Variants in IGFBP6 observed in about 807,000 individuals in gnomAD.
IGFBP6 encodes the protein insulin like growth factor binding protein 6.
IGFBP6 carries 24 observed loss-of-function variants against 24.5 expected under a neutral mutation model. The ratio of observed to expected loss-of-function variants is 0.98; its 90% confidence interval spans 0.71 to 1.38. The LOEUF (loss-of-function observed/expected upper bound fraction) is 1.38. Among genes scored for constraint, IGFBP6 ranks in the 40% most tolerant of loss-of-function variants. The pLI is 0.00. For missense variants in IGFBP6, 331 were observed against 324.8 expected (o/e 1.02, Z -0.15); for synonymous variants, 147 against 137.4 (o/e 1.07, Z -0.49).
At chr12:53,098,517 C>A (rs1937779249) in intron 1 of IGFBP6, among the ~76,000 whole-genome samples, 1 of 152,148 alleles carries the variant, frequency 6.6e-6, no homozygotes, top group Admixed American at 6.5e-5. Flanking sequence ...GAAATGACTC[C>A]TTTCCTCCTA....
chr12:53,098,593 G>A (rs981394013), intron 1 of IGFBP6, among the ~76,000 whole-genome samples: 2 of 152,208 alleles, frequency 1.3e-5, no homozygotes, highest in African/African-American at 4.8e-5. Context: ...ATCCAGGGTT[G>A]TATTAGACTT....
chr12:53,100,340 T>C (rs1246697489), intron 1 of IGFBP6, among the ~76,000 whole-genome samples: 2 of 152,100 alleles, frequency 1.3e-5, no homozygotes, highest in Admixed American at 1.3e-4. Context: ...TATAAATTAT[T>C]TGTAGAGATG....
intron 1 of IGFBP6, among the ~76,000 whole-genome samples, chr12:53,100,377 G>T (rs183184334): frequency 6.8e-4 from 104 of 152,286 alleles, no homozygotes; most frequent in African/African-American, 2.3e-3. Context: ...GCCCAGGCTG[G>T]TCTCAAACTC....
At chr12:53,099,530 G>A (rs750615867) in intron 1 of IGFBP6, among the ~76,000 whole-genome samples, 10 of 152,160 alleles carry the variant, frequency 6.6e-5, no homozygotes, top group Non-Finnish European at 1.3e-4. Context: ...CAAGGTCACA[G>A]CAGGGACACA....
At position 53,101,114 on chromosome 12, in the gene IGFBP6, TC is replaced by T; in HGVS notation, c.555del (p.Tyr186ThrfsTer60). ...GAGGTCTACCGAGGGGCTCAAACAC[TC>T]TACGTGCCCAATTGTGACCATCGAG... ...QTEVYRGAQT[L>X]YVPNCDHRGF... On this transcript the variant is annotated frameshift_variant, in exon 3 of 4. Transcript: ENST00000301464. LOFTEE classifies it high-confidence loss of function. 6.2e-7 allele frequency: 1 copy of T among 1,614,180 alleles called. No homozygotes were observed. The highest frequency in any genetic ancestry group is 8.5e-7 in the Non-Finnish European group (1 of 1,180,012).
chr12:53,100,944 T>G (rs1937816600), intron 2 of IGFBP6, 87 bp downstream of exon 2: 3 of 1,605,292 alleles, frequency 1.9e-6, no homozygotes, highest in Non-Finnish European at 2.6e-6. Flanking sequence ...TGGAGACGTC[T>G]CCATTGTCTG....
chr12:53,097,674 C>T lies in IGFBP6; in HGVS notation c.-44C>T. On this transcript the variant is annotated 5_prime_UTR_variant, in exon 1 of 4. Coordinates refer to ENST00000301464, the MANE Select transcript of IGFBP6 (RefSeq NM_002178.3). ...GGGGCGGCGGCGGGCAGCAGCTGCG[C>T]TGCGACTGCTCTGGAAGGAGAGGAC... 6.6e-7 allele frequency: 1 copy of T among 1,520,470 alleles called. No homozygotes were observed. The highest frequency in any genetic ancestry group is 8.8e-7 in the Non-Finnish European group (1 of 1,138,676). The allele number at this position is 1,520,470 out of a possible 1,614,324, so 94.2% of individuals were successfully genotyped here. A position where few individuals can be genotyped will look rare whatever the true frequency, so the allele number is the denominator to read the frequency against.
rs1033629461 is a variant in IGFBP6, at chr12:53,100,784, A to AC, written c.409dup (p.Gln137ProfsTer23). 1 of 1,614,060 alleles carries AC rather than the reference A, an allele frequency of 6.2e-7. No individual in the cohort carries two copies. The highest frequency in any genetic ancestry group is 1.3e-5 in the African/African-American group (1 of 74,942). On this transcript the variant is annotated frameshift_variant, in exon 2 of 4. Coordinates refer to ENST00000301464, the MANE Select transcript of IGFBP6 (RefSeq NM_002178.3). LOFTEE classifies it high-confidence loss of function. Reference sequence around the variant, plus strand: ...CGCCCACAGGATGTGAACCGCAGAGACCAACAGAGGAATCCAGGCACCTCT... The same window carrying AC: ...CGCCCACAGGATGTGAACCGCAGAGACCCAACAGAGGAATCCAGGCACCTCT...
At chr12:53,099,950 C>G (rs753338821) in intron 1 of IGFBP6, among the ~76,000 whole-genome samples, 11 of 152,140 alleles carry the variant, frequency 7.2e-5, no homozygotes, top group Admixed American at 2.0e-4. Context: ...CCTCCGCCCC[C>G]CCGAGTTCAA....
rs900813098 is a variant in IGFBP6, at chr12:53,102,093, C to T, written c.649C>T (p.Arg217Trp). The T allele has an allele frequency of 5.0e-6, 8 of 1,613,712 alleles. No individual in the cohort carries two copies. The highest frequency in any genetic ancestry group is 1.6e-4 in the Middle Eastern group (1 of 6,074). Residue 217 changes from arginine to tryptophan, a missense_variant, in exon 4 of 4, where the codon CGG (arginine) becomes TGG (tryptophan). By Grantham distance (101) the Arg-to-Trp change is moderately radical. Transcript: ENST00000301464. The stretch of plus-strand genomic sequence containing the variant: ...CCGAGGTCCCTGCTGGTGTGTGGAT[C>T]GGATGGGCAAGTCCCTGCCAGGGTC... ...QRRGPCWCVD[R>W]MGKSLPGSPD...
intron 2 of IGFBP6, 63 bp from the exon 3 acceptor site, chr12:53,100,978 C>A: frequency 6.2e-7 from 1 of 1,605,202 alleles, no homozygotes; most frequent in Non-Finnish European, 8.5e-7. Context: ...CCTGGTGGGC[C>A]AGAAGGTTGG....
Position 53,097,814 on chromosome 12 carries a change from G to C in IGFBP6, c.97G>C (p.Gly33Arg). Residue 33 changes from glycine (G) to arginine (R), a missense_variant, in exon 1 of 4, where the codon GGG (glycine) becomes CGG (arginine). By Grantham distance (125) the Gly-to-Arg change is moderately radical (BLOSUM62 -2). Coordinates refer to ENST00000301464, the MANE Select transcript of IGFBP6 (RefSeq NM_002178.3). Reference sequence around the variant, plus strand: ...CGCCTTGGCGCGGTGCCCAGGCTGCGGGCAAGGGGTGCAGGCGGGTTGTCC... The same window carrying C: ...CGCCTTGGCGCGGTGCCCAGGCTGCCGGCAAGGGGTGCAGGCGGGTTGTCC... ...GGALARCPGC[G>R]QGVQAGCPGG... 1 of 1,541,794 alleles carries C rather than the reference G, an allele frequency of 6.5e-7. No homozygotes were observed. The highest frequency in any genetic ancestry group is 8.7e-7 in the Non-Finnish European group (1 of 1,145,504).
rs1937844092 is a variant in IGFBP6, at chr12:53,102,235, C to A, written c.*68C>A. ...GGAGCTGTCATCACTCAACAAAAAA[C>A]CGAGGCCCTCAATCCACCTTCAGGC... On this transcript the variant is annotated 3_prime_UTR_variant, in exon 4 of 4. Transcript: ENST00000301464. 1 of 1,577,060 alleles carries A rather than the reference C, an allele frequency of 6.3e-7. No homozygotes were observed. The highest frequency in any genetic ancestry group is 8.6e-7 in the Non-Finnish European group (1 of 1,159,444).
In IGFBP6 at chr12:53,100,646, G is replaced by C. The variant is rs1041024479; in HGVS notation, c.335-66G>C. ...CTTCCTTACTTCAGCAGGTGATGTGGGCAAGGCCCTTCTCCACATGGCTCT... is the reference window on the plus strand; with the variant it reads ...CTTCCTTACTTCAGCAGGTGATGTGCGCAAGGCCCTTCTCCACATGGCTCT... On this transcript the variant is annotated intron_variant, in intron 1 of 3. Transcript: ENST00000301464. 7 of 1,551,460 alleles carry C rather than the reference G, an allele frequency of 4.5e-6. No homozygotes were observed. The African/African-American group carries it at 9.5e-5, about 21-fold the overall frequency.
Position 53,102,321 on chromosome 12 carries a change from A to G in IGFBP6, c.*154A>G, listed in dbSNP as rs762257052. 1.3e-6 allele frequency: 1 copy of G among 797,418 alleles called. No individual in the cohort carries two copies. The highest frequency in any genetic ancestry group is 2.8e-5 in the East Asian group (1 of 35,738). The allele number at this position is 797,418 out of a possible 1,614,324, so 49.4% of individuals were successfully genotyped here. ...AGTGTTGGTGTTGGCTGGGGTGTCA[A>G]TAAAGCTGTGCTTGGGGTCGCTGGC... is the stretch of plus-strand genomic sequence containing the variant. On this transcript the variant is annotated 3_prime_UTR_variant, in exon 4 of 4. Transcript: ENST00000301464.
At position 53,097,779 on chromosome 12, in the gene IGFBP6, G is replaced by A; in HGVS notation, c.62G>A (p.Ser21Asn). The change falls in exon 1 of 4, where the codon AGC becomes AAC. Residue 21 changes from serine (S) to asparagine (N), a missense_variant. By Grantham distance (46) the Ser-to-Asn change is conservative. Coordinates refer to ENST00000301464, the MANE Select transcript of IGFBP6 (RefSeq NM_002178.3). ...CTGCTAGCTCTGCTGCTCGCTGCCA[G>A]CCCAGGAGGCGCCTTGGCGCGGTGC... ...LLLLALLLAA[S>N]PGGALARCPG... 1 of 1,545,036 alleles carries A rather than the reference G, an allele frequency of 6.5e-7. No homozygotes were observed. Among genetic ancestry groups the A allele is most frequent in the African/African-American group, 1.4e-5 (1 of 72,894 alleles).
At position 53,097,953 on chromosome 12, in the gene IGFBP6, C is replaced by A; in HGVS notation, c.236C>A (p.Ala79Asp). ...TGCGGGGTCTACACCCCTAACTGCG[C>A]CCCAGGACTGCAGTGCCATCCGCCC... ...QECGVYTPNC[A>D]PGLQCHPPKD... The change falls in exon 1 of 4, where the codon GCC becomes GAC. Residue 79 changes from alanine to aspartate, a missense_variant. Physicochemically the swap from Ala to Asp is moderately radical, Grantham distance 126. Transcript: ENST00000301464. 1 of 1,513,946 alleles carries A rather than the reference C, an allele frequency of 6.6e-7. No homozygotes were observed. The highest frequency in any genetic ancestry group is 8.8e-7 in the Non-Finnish European group (1 of 1,135,858). The allele number at this position is 1,513,946 out of a possible 1,614,324, so 93.8% of individuals were successfully genotyped here. A position where few individuals can be genotyped will look rare whatever the true frequency, so the allele number is the denominator to read the frequency against.
chr12:53,100,615 C>A, intron 1 of IGFBP6, 97 bp from the exon 2 acceptor site: 1 of 1,190,612 alleles, frequency 8.4e-7, no homozygotes, highest in Non-Finnish European at 1.2e-6. Context: ...GGGCATAAGG[C>A]CCTCCCTTCC....
chr12:53,098,123 G>C (rs1433703172), intron 1 of IGFBP6, 72 bp downstream of exon 1: 1 of 1,362,202 alleles, frequency 7.3e-7, no homozygotes, highest in Non-Finnish European at 9.4e-7. Context: ...TGGGGAGACG[G>C]GAGTGGGTGG....
Sources: gnomAD v4.1 joint callset for allele counts (sites outside exome capture counted in the v4.1 genomes callset) on GRCh38, gnomAD v4.1.1 for gene constraint, MANE v1.5 for transcripts, NCBI Gene and HGNC (gene_info 2026-07-23, HGNC 2026-07-21) for gene names.